Variants in AFDN observed in about 807,000 individuals in gnomAD.
AFDN encodes the protein afadin.
AFDN carries 68 observed loss-of-function variants against 216.6 expected under a neutral mutation model. The observed-to-expected ratio is 0.31, with a 90% CI of 0.26 to 0.38. The LOEUF (loss-of-function observed/expected upper bound fraction) is 0.38, where lower values mean the gene tolerates loss of function less well. Among genes scored for constraint, AFDN ranks in the 10% least tolerant of loss-of-function variants. The pLI is 1.00. For missense variants in AFDN, 2,136 were observed against 2,342.0 expected, an observed-to-expected ratio of 0.91 and a Z score of 1.82; for synonymous variants, 868 against 853.7, an observed-to-expected ratio of 1.02 and a Z score of -0.29.
At chr6:167,865,797 C>CTT (rs75509310) in intron 2 of AFDN, among the ~76,000 whole-genome samples, 4 of 141,648 alleles carry the variant, frequency 2.8e-5, no homozygotes, top group Non-Finnish European at 4.6e-5. Context: ...TTTTTTGAAC[C>CTT]TTTTTTTTTT....
chr6:167,959,759 C>T (rs1481122384), intron 30 of AFDN, among the ~76,000 whole-genome samples: 1 of 152,174 alleles, frequency 6.6e-6, no homozygotes, highest in Non-Finnish European at 1.5e-5. Context: ...GGAATGTGGA[C>T]TACCCATATA....
In AFDN at chr6:167,911,176, G is replaced by C. The variant is rs774834729; in HGVS notation, c.1831+14G>C. The C allele has an allele frequency of 1.2e-6, 2 of 1,612,256 alleles. No homozygotes were observed. The highest frequency in any genetic ancestry group is 1.7e-6 in the Non-Finnish European group (2 of 1,178,534). ...TCAGGGAAAGTTGTGAGTAATTTCA[G>C]ATTTCATTGTCAATGAATTATTTCT... is the stretch of plus-strand genomic sequence containing the variant. On this transcript the variant is annotated intron_variant, in intron 14 of 33. Transcript: ENST00000683244.
In AFDN at chr6:167,879,025, G is replaced by A. The variant is rs529362492; in HGVS notation, c.740-1335G>A. Among the ~76,000 whole-genome samples the A allele has an allele frequency of 2.0e-5, 3 of 152,280 alleles. No individual in the cohort carries two copies. The South Asian group carries it at 6.2e-4, about 32-fold the overall frequency. On this transcript the variant is annotated intron_variant, in intron 5 of 33. Transcript: ENST00000683244. ...GTCACTATTTTAAAGGTATTTATTT[G>A]TTTTCTTGTTAGTCTTCTTCCTCTG...
In AFDN at chr6:167,913,818, A is replaced by G. The variant is rs181299037; in HGVS notation, c.2059-350A>G. Reference sequence around the variant, plus strand: ...AGTATCAGGGTGGCTGTGGGTAACCATGGATACATGTATGTATACTGCACA... The same window carrying G: ...AGTATCAGGGTGGCTGTGGGTAACCGTGGATACATGTATGTATACTGCACA... On this transcript the variant is annotated intron_variant, in intron 16 of 33. Coordinates refer to ENST00000683244, the MANE Select transcript of AFDN (RefSeq NM_001386888.1). The G allele has an allele frequency of 1.6e-4, 65 of 394,956 alleles. 2 individuals are homozygous for G. The highest frequency in any genetic ancestry group is 1.3e-3 in the African/African-American group (62 of 49,308). 24.5% of individuals were successfully genotyped at this position (394,956 alleles called of 1,614,324 possible). A position where few individuals can be genotyped will look rare whatever the true frequency, so the allele number is the denominator to read the frequency against.
intron 1 of AFDN, among the ~76,000 whole-genome samples, chr6:167,828,109 G>T (rs770647855): frequency 4.6e-5 from 7 of 152,186 alleles, no homozygotes; most frequent in Non-Finnish European, 5.9e-5. Context: ...CTGTTCATTC[G>T]GTGGCTGCAC....
chr6:167,846,875 C>T (rs1264353630), intron 1 of AFDN, among the ~76,000 whole-genome samples: 3 of 151,586 alleles, frequency 2.0e-5, no homozygotes, highest in African/African-American at 7.3e-5. Context: ...TAATATAATT[C>T]GTCAACTGAA....
chr6:167,894,603 T>C (rs1475086867), intron 9 of AFDN, among the ~76,000 whole-genome samples: 1 of 152,190 alleles, frequency 6.6e-6, no homozygotes, highest in Non-Finnish European at 1.5e-5. Flanking sequence ...ATTTAGGTTC[T>C]TCAAAATCTG....
chr6:167,827,834 C>G (rs1053331785), intron 1 of AFDN: 1 of 152,214 alleles, frequency 6.6e-6, no homozygotes, highest in African/African-American at 2.4e-5. Flanking sequence ...TTCGGGGCCG[C>G]GAGGAAGGGC....
intron 3 of AFDN, among the ~76,000 whole-genome samples, chr6:167,872,004 A>G (rs909319521): frequency 6.6e-6 from 1 of 152,190 alleles, no homozygotes; most frequent in African/African-American, 2.4e-5. Context: ...ACAGATCTTG[A>G]GTGTGCAGTT....
chr6:167,958,936 A>G lies in AFDN; in HGVS notation c.4834-3497A>G, dbSNP rs568124683. On this transcript the variant is annotated intron_variant, in intron 30 of 33. Transcript: ENST00000683244. The stretch of plus-strand genomic sequence containing the variant: ...GAAAATGGGCCCTGCCCAGAATATC[A>G]GAGCCACAGTGTAGTCACAGTGCAT... Among the ~76,000 whole-genome samples the G allele has an allele frequency of 2.6e-5, 4 of 152,390 alleles. No individual in the cohort carries two copies. In the Middle Eastern group the frequency reaches 0.014, roughly 518 times the overall value.
chr6:167,922,233 A>G lies in AFDN; in HGVS notation c.2909-623A>G, dbSNP rs561124797. On this transcript the variant is annotated intron_variant, in intron 21 of 33. Transcript: ENST00000683244. ...TTGAATTGAAAGGCTTACTTTTACA[A>G]AGCATGTCATTTGTCCCTGATGAAA... Among the ~76,000 whole-genome samples the G allele has an allele frequency of 2.0e-4, 31 of 152,350 alleles. No homozygotes were observed. In the East Asian group the frequency reaches 5.2e-3, roughly 26 times the overall value.
chr6:167,970,064 A>G lies in AFDN; in HGVS notation c.*129A>G. ...AGTGATTTACAATTTCTGTTTCTAA[A>G]ATTGTTGGGATTTAGAAATGTTTCA... On this transcript the variant is annotated 3_prime_UTR_variant, in exon 34 of 34. Coordinates refer to ENST00000683244, the MANE Select transcript of AFDN (RefSeq NM_001386888.1). 1 of 751,420 alleles carries G rather than the reference A, an allele frequency of 1.3e-6. No homozygotes were observed. The highest frequency in any genetic ancestry group is 2.0e-6 in the Non-Finnish European group (1 of 498,960). 46.5% of individuals were successfully genotyped at this position (751,420 alleles called of 1,614,324 possible).
At chr6:167,826,877 G>A (rs1157999460), upstream of AFDN, 2 of 145,062 alleles carry the variant, frequency 1.4e-5, no homozygotes, top group Non-Finnish European at 3.1e-5. Context: ...GCGGGGCGCG[G>A]GCGGGTGCGG....
At chr6:167,873,193 A>G (rs970969437) in intron 4 of AFDN, among the ~76,000 whole-genome samples, 1 of 152,252 alleles carries the variant, frequency 6.6e-6, no homozygotes. Flanking sequence ...AAAAGGGTGA[A>G]GAACGTAAAG....
At chr6:167,969,680 GA>G (rs959255977) in intron 33 of AFDN, 101 bp from the exon 34 acceptor site, 2 of 1,110,046 alleles carry the variant, frequency 1.8e-6, no homozygotes, top group Non-Finnish European at 2.6e-6. Context: ...ATTTAACAAA[GA>G]ATGAGTGAAA....
chr6:167,953,176 A>G (rs897995990), intron 30 of AFDN, among the ~76,000 whole-genome samples: 5 of 152,094 alleles, frequency 3.3e-5, no homozygotes, highest in African/African-American at 1.2e-4. Context: ...GGCCAGAGCC[A>G]TGTTCTTTTT....
intron 13 of AFDN, among the ~76,000 whole-genome samples, chr6:167,910,158 G>C (rs997095209): frequency 5.3e-5 from 8 of 152,194 alleles, no homozygotes; most frequent in Non-Finnish European, 1.2e-4. Context: ...CATTTAAAGA[G>C]TCTGTGCCTA....
At position 167,907,165 on chromosome 6, in the gene AFDN, A is replaced by G. The variant is rs935828313; in HGVS notation, c.1651-6A>G. 2.5e-6 allele frequency: 4 copies of G among 1,611,462 alleles called. No homozygotes were observed. Among genetic ancestry groups the G allele is most frequent in the East Asian group, 2.2e-5 (1 of 44,862 alleles). ...TCTAAACCCGTTGTGCTTTCTCTCC[A>G]TGTAGAGCACCACTAGGCTGGACAG... On this transcript the variant is annotated splice_region_variant and splice_polypyrimidine_tract_variant and intron_variant, in intron 12 of 33. Transcript: ENST00000683244.
chr6:167,866,646 C>G (rs1283825698), intron 2 of AFDN, among the ~76,000 whole-genome samples: 4 of 152,220 alleles, frequency 2.6e-5, no homozygotes, highest in African/African-American at 7.2e-5. Flanking sequence ...TTTCCGAGCT[C>G]CTCAGACCCT....
Sources: allele counts gnomAD v4.1 joint callset (sites outside exome capture counted in the v4.1 genomes callset), GRCh38; gene constraint gnomAD v4.1.1; transcripts MANE v1.5; gene names NCBI Gene and HGNC (gene_info 2026-07-23, HGNC 2026-07-21).